The following MPHOSPH9 variants were observed in gnomAD, a reference collection of about 807,000 sequenced individuals.
MPHOSPH9 encodes M-phase phosphoprotein 9.
In MPHOSPH9, 88 loss-of-function variants were observed where a neutral mutation model predicts 145.5. The observed-to-expected ratio is 0.60, with a 90% confidence interval of 0.51 to 0.72. The LOEUF (loss-of-function observed/expected upper bound fraction) is 0.72. MPHOSPH9 is among the 30% of genes least tolerant of loss of function. The probability of loss-of-function intolerance (pLI) is 0.00; values close to 1 mark genes in which losing one functional copy is unlikely to be tolerated. For synonymous variants in MPHOSPH9, 435 were observed against 486.2 expected (o/e 0.89, Z 1.39); for missense variants, 1,238 against 1,386.6 (o/e 0.89, Z 1.70).
chr12:123,188,162 T>A (rs1350645072), intron 13 of MPHOSPH9, among the ~76,000 whole-genome samples: 2 of 151,990 alleles, frequency 1.3e-5, no homozygotes, highest in Non-Finnish European at 2.9e-5. Context: ...AAAACTTGTA[T>A]CCCATAAAAA....
upstream of MPHOSPH9, chr12:123,233,479 GTGA>G (rs2047762446): frequency 6.6e-6 from 1 of 152,304 alleles, no homozygotes; most frequent in Non-Finnish European, 1.5e-5. Context: ...CTCCGCTGAG[GTGA>G]TTTGGATATC....
intron 16 of MPHOSPH9, among the ~76,000 whole-genome samples, chr12:123,175,325 T>G (rs983784068): frequency 1.3e-5 from 2 of 152,052 alleles, no homozygotes; most frequent in Non-Finnish European, 2.9e-5. Flanking sequence ...TAATTTTTTT[T>G]GTATTTTTTA....
At chr12:123,189,416 C>G (rs992695437) in intron 13 of MPHOSPH9, among the ~76,000 whole-genome samples, 1 of 152,116 alleles carries the variant, frequency 6.6e-6, no homozygotes, top group Admixed American at 6.6e-5. Flanking sequence ...GAACAATACC[C>G]TAGAGGCGCT....
intron 6 of MPHOSPH9, among the ~76,000 whole-genome samples, chr12:123,217,075 A>T (rs902689480): frequency 1.6e-4 from 25 of 152,270 alleles, no homozygotes; most frequent in African/African-American, 4.6e-4. Context: ...ATAATTTTTT[A>T]AAAAACCTTA....
intron 12 of MPHOSPH9, 22 bp from the exon 13 acceptor site, chr12:123,194,623 A>ATTTT: frequency 8.0e-7 from 1 of 1,254,680 alleles, no homozygotes; most frequent in Non-Finnish European, 1.1e-6. Flanking sequence ...AGACAAACAT[A>ATTTT]ATTTTTTTTT....
chr12:123,184,479 ACTG>A (rs2045346460), intron 13 of MPHOSPH9, among the ~76,000 whole-genome samples: 1 of 146,806 alleles, frequency 6.8e-6, no homozygotes, highest in African/African-American at 2.5e-5. Flanking sequence ...AGCTTTTTAT[ACTG>A]CTTCGCTTTA....
At chr12:123,238,988 T>C (rs1320109558) in intron 1 of MPHOSPH9, among the ~76,000 whole-genome samples, 1 of 152,014 alleles carries the variant, frequency 6.6e-6, no homozygotes, top group Admixed American at 6.6e-5. Flanking sequence ...TTTAAAATAT[T>C]GGCTGGGTGC....
intron 16 of MPHOSPH9, among the ~76,000 whole-genome samples, chr12:123,174,665 C>T (rs941923112): frequency 1.3e-5 from 2 of 152,152 alleles, no homozygotes; most frequent in African/African-American, 2.4e-5. Flanking sequence ...AGCCACCGCA[C>T]CCGGCATGAC....
chr12:123,183,063 A>T lies in MPHOSPH9; in HGVS notation c.2242-1853T>A, dbSNP rs572475684. 3.6e-3 allele frequency among the ~76,000 whole-genome samples: 540 copies of T among 151,684 alleles called. 1 individual carries two copies. The highest frequency in any genetic ancestry group is 0.012 in the African/African-American group (513 of 41,402). On this transcript the variant is annotated intron_variant, in intron 13 of 23. Coordinates refer to ENST00000606320, the MANE Select transcript of MPHOSPH9 (RefSeq NM_022782.4). ...ACTCCGTCTCTACCAAAAATATTTT[A>T]AAAAATAAAAATAAATAAATATAAG...
intron 23 of MPHOSPH9, among the ~76,000 whole-genome samples, chr12:123,158,504 G>A (rs748834645): frequency 1.1e-4 from 17 of 152,264 alleles, no homozygotes; most frequent in Admixed American, 3.3e-4. Context: ...TACTCAAGGG[G>A]CTGAGGCCTC....
intron 9 of MPHOSPH9, 46 bp downstream of exon 9, chr12:123,203,204 A>G: frequency 6.2e-7 from 1 of 1,605,274 alleles, no homozygotes; most frequent in Non-Finnish European, 8.5e-7. Flanking sequence ...AGTTAGAGTC[A>G]GGAAGCATTG....
chr12:123,222,957 T>C (rs1394407320), intron 4 of MPHOSPH9, 81 bp downstream of exon 4: 2 of 759,468 alleles, frequency 2.6e-6, no homozygotes, highest in African/African-American at 5.0e-5. Flanking sequence ...TGTGTGTATA[T>C]ATATATGTGT....
In MPHOSPH9 at chr12:123,210,059, G is replaced by A. The variant is rs142615620; in HGVS notation, c.1191C>T (p.Asn397=). 9.8e-5 allele frequency: 157 copies of A among 1,605,830 alleles called. No individual in the cohort carries two copies. Among genetic ancestry groups the A allele is most frequent in the Admixed American group, 2.5e-4 (15 of 58,890 alleles). The change falls in exon 8 of 24, where the codon AAC becomes AAT. Residue 397 remains asparagine, a synonymous_variant. Transcript: ENST00000606320. ...CCACCGTGTGTTTTTAAATTACCTGGTTTGGTGACACATCTGTGGAAGACA... is the reference window on the plus strand; with the variant it reads ...CCACCGTGTGTTTTTAAATTACCTGATTTGGTGACACATCTGTGGAAGACA... The part of the protein sequence containing the change: ...ISLSSTDVSP[N]QSNTSNEMKL...
chr12:123,227,615 T>G lies in MPHOSPH9; in HGVS notation c.106A>C (p.Ser36Arg), dbSNP rs978962982. The G allele has an allele frequency of 6.7e-7, 1 of 1,502,792 alleles. No individual in the cohort carries two copies. The highest frequency in any genetic ancestry group is 1.3e-5 in the South Asian group (1 of 78,640). The allele number at this position is 1,502,792 out of a possible 1,614,324, so 93.1% of individuals were successfully genotyped here. A position where few individuals can be genotyped will look rare whatever the true frequency, so the allele number is the denominator to read the frequency against. The change falls in exon 3 of 24, where the codon AGT (serine) becomes CGT (arginine). Residue 36 changes from serine (S) to arginine (R), a missense_variant and splice_region_variant. Ser to Arg is a moderately radical substitution (Grantham distance 110, BLOSUM62 -1). Transcript: ENST00000606320. ...SLGLNLNTDR[S>R]SPHLSTNGVS... The stretch of plus-strand genomic sequence containing the variant: ...CCATTTGTACTAAGGTGGGGACTAC[T>G]TCTGTTGAAACATAAATAATTCAAA...
chr12:123,235,605 C>G (rs1294321425), upstream of MPHOSPH9, among the ~76,000 whole-genome samples: 5 of 151,290 alleles, frequency 3.3e-5, no homozygotes, highest in Admixed American at 6.6e-5. Flanking sequence ...ATCTCCTGAC[C>G]TCATGATCCA....
intron 16 of MPHOSPH9, among the ~76,000 whole-genome samples, chr12:123,175,141 G>T (rs1236566883): frequency 6.6e-6 from 1 of 151,680 alleles, no homozygotes; most frequent in Non-Finnish European, 1.5e-5. Flanking sequence ...TGGACTTAGG[G>T]CAAGATCTAA....
intron 16 of MPHOSPH9, among the ~76,000 whole-genome samples, chr12:123,168,445 G>A (rs533542353): frequency 2.0e-5 from 3 of 149,638 alleles, no homozygotes; most frequent in Admixed American, 6.7e-5. Flanking sequence ...AGGTTCAAGC[G>A]ATTCTCCTGC....
chr12:123,206,388 G>C (rs765006188), intron 8 of MPHOSPH9, among the ~76,000 whole-genome samples: 21 of 151,804 alleles, frequency 1.4e-4, no homozygotes, highest in Non-Finnish European at 2.8e-4. Flanking sequence ...CCTGAGCCCA[G>C]GAGGTTGAGT....
intron 12 of MPHOSPH9, among the ~76,000 whole-genome samples, chr12:123,194,993 A>G (rs964011041): frequency 1.2e-4 from 18 of 152,198 alleles, no homozygotes; most frequent in Non-Finnish European, 2.4e-4. Flanking sequence ...TAAAAAATGA[A>G]CAAAACATAG....
Sources: allele counts gnomAD v4.1 joint callset (sites outside exome capture counted in the v4.1 genomes callset), GRCh38; gene constraint gnomAD v4.1.1; transcripts MANE v1.5; gene names NCBI Gene and HGNC (gene_info 2026-07-23, HGNC 2026-07-21).